Variants in IGFBP7 observed in about 807,000 individuals in gnomAD.
IGFBP7 encodes the protein insulin-like growth factor-binding protein 7.
IGFBP7 carries 31 observed loss-of-function variants against 29.4 expected under a neutral mutation model. That is an observed-to-expected ratio of 1.05 (90% CI 0.79 to 1.42). The LOEUF is 1.42. Ranked by LOEUF, IGFBP7 falls within the 40% of genes most tolerant of loss-of-function variation. The pLI is 0.00. For synonymous variants in IGFBP7, 172 were observed against 174.9 expected (o/e 0.98, Z 0.13); for missense variants, 393 against 395.5 (o/e 0.99, Z 0.05).
chr4:57,030,977 A>G lies in IGFBP7; in HGVS notation c.*340T>C. 1 of 1,578,956 alleles carries G rather than the reference A, an allele frequency of 6.3e-7. No individual in the cohort carries two copies. Among genetic ancestry groups the G allele is most frequent in the Non-Finnish European group, 8.7e-7 (1 of 1,148,010 alleles). ...GTCTATGAGTATTGCACCGCGAATG[A>G]TGAGTGTTTAGCTATTTTACAGGAG... On this transcript the variant is annotated 3_prime_UTR_variant, in exon 5 of 5. Coordinates refer to ENST00000295666, the MANE Select transcript of IGFBP7 (RefSeq NM_001553.3).
chr4:57,106,263 A>G (rs1375749151), intron 1 of IGFBP7, among the ~76,000 whole-genome samples: 1 of 152,100 alleles, frequency 6.6e-6, no homozygotes. Flanking sequence ...GTAATGTGCC[A>G]ATGTCATAAA....
At chr4:57,071,695 C>A (rs1238936782) in intron 1 of IGFBP7, among the ~76,000 whole-genome samples, 1 of 152,138 alleles carries the variant, frequency 6.6e-6, no homozygotes, top group Non-Finnish European at 1.5e-5. Flanking sequence ...CTTGCTGTGG[C>A]ATATTTGGTC....
intron 1 of IGFBP7, among the ~76,000 whole-genome samples, chr4:57,064,432 G>GA (rs1374673245): frequency 1.3e-5 from 2 of 152,314 alleles, no homozygotes; most frequent in Non-Finnish European, 2.9e-5. Context: ...GGATTTAAAA[G>GA]AAACAACCAG....
chr4:57,070,115 G>A (rs1160323346), intron 1 of IGFBP7, among the ~76,000 whole-genome samples: 1 of 152,056 alleles, frequency 6.6e-6, no homozygotes, highest in Non-Finnish European at 1.5e-5. Flanking sequence ...CGAAATGGAA[G>A]GTCCTCAGTG....
intron 1 of IGFBP7, among the ~76,000 whole-genome samples, chr4:57,058,377 A>AAC (rs931474776): frequency 3.9e-5 from 6 of 152,188 alleles, no homozygotes; most frequent in African/African-American, 1.4e-4. Flanking sequence ...AGTAACCAAA[A>AAC]CAGCATGGTA....
At chr4:57,081,366 T>C (rs1210049318) in intron 1 of IGFBP7, among the ~76,000 whole-genome samples, 2 of 152,082 alleles carry the variant, frequency 1.3e-5, no homozygotes, top group Admixed American at 6.6e-5. Flanking sequence ...AGGAAGCTAA[T>C]GCTTAGATTT....
At chr4:57,078,647 G>T (rs1725288030) in intron 1 of IGFBP7, among the ~76,000 whole-genome samples, 1 of 151,656 alleles carries the variant, frequency 6.6e-6, no homozygotes, top group Non-Finnish European at 1.5e-5. Flanking sequence ...ATGGGCCAGT[G>T]ATATAAATAT....
chr4:57,080,123 C>T (rs992190415), intron 1 of IGFBP7, among the ~76,000 whole-genome samples: 1 of 152,128 alleles, frequency 6.6e-6, no homozygotes, highest in Non-Finnish European at 1.5e-5. Flanking sequence ...CACAGGGTCT[C>T]CCACAGGGCT....
At chr4:57,095,306 G>A (rs1725734635) in intron 1 of IGFBP7, among the ~76,000 whole-genome samples, 1 of 152,306 alleles carries the variant, frequency 6.6e-6, no homozygotes, top group Middle Eastern at 3.4e-3. Context: ...GAGGCTTGCA[G>A]GAACCTAACT....
At chr4:57,040,249 A>C (rs186461291) in intron 2 of IGFBP7, among the ~76,000 whole-genome samples, 59 of 152,176 alleles carry the variant, frequency 3.9e-4, no homozygotes, top group African/African-American at 1.4e-3. Flanking sequence ...AAAATAATCC[A>C]TGCTCCCAGG....
intron 2 of IGFBP7, among the ~76,000 whole-genome samples, chr4:57,035,232 TAAATA>T (rs1254265961): frequency 6.6e-6 from 1 of 152,248 alleles, no homozygotes; most frequent in Non-Finnish European, 1.5e-5. Context: ...TGTATCTTGT[TAAATA>T]TAATATTTAA....
intron 1 of IGFBP7, among the ~76,000 whole-genome samples, chr4:57,071,575 T>C (rs1028490045): frequency 2.0e-5 from 3 of 152,200 alleles, no homozygotes; most frequent in East Asian, 1.9e-4. Context: ...GGGTGGTCAC[T>C]GTGTGGGCAG....
At chr4:57,052,486 G>A (rs1724528837) in intron 1 of IGFBP7, among the ~76,000 whole-genome samples, 1 of 152,216 alleles carries the variant, frequency 6.6e-6, no homozygotes, top group Non-Finnish European at 1.5e-5. Context: ...TTAGCCCTGG[G>A]AAGGCTATGT....
At chr4:57,045,882 T>G (rs1336332084) in intron 1 of IGFBP7, among the ~76,000 whole-genome samples, 1 of 151,964 alleles carries the variant, frequency 6.6e-6, no homozygotes. Context: ...CTCGCCACCA[T>G]GCCTGGCTAA....
intron 2 of IGFBP7, among the ~76,000 whole-genome samples, chr4:57,038,216 C>A (rs956230828): frequency 6.6e-6 from 1 of 152,208 alleles, no homozygotes; most frequent in African/African-American, 2.4e-5. Context: ...GTGACCCGAC[C>A]TGGGCTTGAG....
intron 1 of IGFBP7, among the ~76,000 whole-genome samples, chr4:57,045,585 A>G (rs1212520998): frequency 2.0e-5 from 3 of 152,138 alleles, no homozygotes; most frequent in Non-Finnish European, 2.9e-5. Context: ...CCTGTGTTGG[A>G]AGAATCTGTA....
chr4:57,053,223 A>G (rs34953805), intron 1 of IGFBP7, among the ~76,000 whole-genome samples: 35,713 of 151,660 alleles, frequency 0.24, 4,474 homozygotes, highest in East Asian at 0.33. Context: ...CACCATGTTG[A>G]TCAGGCTGAT....
intron 1 of IGFBP7, among the ~76,000 whole-genome samples, chr4:57,056,555 T>C (rs1724678735): frequency 6.6e-6 from 1 of 152,194 alleles, no homozygotes; most frequent in South Asian, 2.1e-4. Flanking sequence ...AGCACTGCTC[T>C]GAAATCAGGG....
At chr4:57,057,006 A>G in intron 1 of IGFBP7, among the ~76,000 whole-genome samples, 1 of 151,274 alleles carries the variant, frequency 6.6e-6, no homozygotes, top group East Asian at 1.9e-4. Flanking sequence ...TCTATAGTAG[A>G]TTTTTTTTTC....
Sources: gnomAD v4.1 joint callset for allele counts (sites outside exome capture counted in the v4.1 genomes callset) on GRCh38, gnomAD v4.1.1 for gene constraint, MANE v1.5 for transcripts, NCBI Gene and HGNC (gene_info 2026-07-23, HGNC 2026-07-21) for gene names.